The following MMP14 variants were observed in gnomAD, a reference collection of about 807,000 sequenced individuals.
The protein encoded by MMP14 is matrix metalloproteinase-14.
MMP14 carries 13 observed loss-of-function variants against 64.8 expected under a neutral mutation model. The observed-to-expected ratio is 0.20, with a 90% CI of 0.13 to 0.32. The LOEUF (loss-of-function observed/expected upper bound fraction) is 0.32. Among genes scored for constraint, MMP14 ranks in the 10% least tolerant of loss-of-function variants. MMP14 has a pLI of 1.00. For missense variants in MMP14, 594 were observed against 783.8 expected, an observed-to-expected ratio of 0.76 and a Z score of 2.89; for synonymous variants, 322 against 315.9, an observed-to-expected ratio of 1.02 and a Z score of -0.20.
intron 1 of MMP14, among the ~76,000 whole-genome samples, chr14:22,838,949 C>T (rs1221187266): frequency 6.6e-6 from 1 of 152,194 alleles, no homozygotes; most frequent in Non-Finnish European, 1.5e-5. Context: ...TCATTTTTCT[C>T]CCGAGGGTAT....
At chr14:22,841,467 T>A in intron 1 of MMP14, 24 bp from the exon 2 acceptor site, 1 of 1,611,676 alleles carries the variant, frequency 6.2e-7, no homozygotes, top group South Asian at 1.1e-5. Context: ...GGGGACACTC[T>A]AAGCCATACC....
At chr14:22,837,855 C>G (rs2039746110) in intron 1 of MMP14, among the ~76,000 whole-genome samples, 1 of 152,292 alleles carries the variant, frequency 6.6e-6, no homozygotes, top group South Asian at 2.1e-4. Flanking sequence ...TTTCCTCTCT[C>G]TCTCTTATTT....
chr14:22,843,030 G>A lies in MMP14; in HGVS notation c.689-227G>A, dbSNP rs17878314. 7.9e-3 allele frequency among the ~76,000 whole-genome samples: 1,208 copies of A among 152,318 alleles called. 11 individuals carry two copies. The highest frequency in any genetic ancestry group is 0.013 in the East Asian group (66 of 5,186). Reference sequence around the variant, plus strand: ...GGCTTCCCTTACCACAGGTCTTCCCGGGATCGGGGTCCTGCTTCCAAGCAC... The same window carrying A: ...GGCTTCCCTTACCACAGGTCTTCCCAGGATCGGGGTCCTGCTTCCAAGCAC... On this transcript the variant is annotated intron_variant, in intron 4 of 9. Coordinates refer to ENST00000311852, the MANE Select transcript of MMP14 (RefSeq NM_004995.4). This position sits in a 1 kb window ranked among gnomAD's most constrained non-coding sequence, Gnocchi z 4.8.
intron 1 of MMP14, among the ~76,000 whole-genome samples, chr14:22,840,670 G>A (rs2877491): frequency 6.6e-6 from 1 of 152,000 alleles, no homozygotes; most frequent in Non-Finnish European, 1.5e-5. Context: ...CACCGTGCCC[G>A]GCTAATATTT....
chr14:22,845,913 C>G lies in MMP14; in HGVS notation c.1623C>G (p.Ala541=). Residue 541 remains alanine (A), a synonymous_variant, in exon 10 of 10, where the codon GCC becomes GCG. Transcript: ENST00000311852. The stretch of plus-strand genomic sequence containing the variant: ...GCGGCGGGGCGGTGAGCGCGGCTGC[C>G]GTGGTGCTGCCCGTGCTGCTGCTGC... The part of the protein sequence containing the change: ...EEGGGAVSAA[A]VVLPVLLLLL... The G allele has an allele frequency of 1.9e-6, 3 of 1,608,994 alleles. No homozygotes were observed. The highest frequency in any genetic ancestry group is 2.5e-6 in the Non-Finnish European group (3 of 1,177,592).
chr14:22,841,639 A>G lies in MMP14; in HGVS notation c.257A>G (p.Lys86Arg). The G allele has an allele frequency of 3.7e-6, 6 of 1,613,938 alleles. No individual in the cohort carries two copies. Among genetic ancestry groups the G allele is most frequent in the Non-Finnish European group, 5.1e-6 (6 of 1,179,980 alleles). ...GGCAAAGCTGATGCAGACACCATGA[A>G]GTAAGTGCTAGACCCTGGCAGGAGT... ...VTGKADADTM[K>R]AMRRPRCGVP... Residue 86 changes from lysine to arginine, a missense_variant and splice_region_variant, in exon 2 of 10, where the codon AAG (lysine) becomes AGG (arginine). By Grantham distance (26) the Lys-to-Arg change is conservative. This residue lies in a region of MMP14 where 179 missense variants were observed against 283.4 expected (regional missense o/e 0.63). Coordinates refer to ENST00000311852, the MANE Select transcript of MMP14 (RefSeq NM_004995.4).
intron 1 of MMP14, among the ~76,000 whole-genome samples, chr14:22,838,197 G>A (rs1256408489): frequency 2.0e-5 from 3 of 152,202 alleles, no homozygotes; most frequent in African/African-American, 7.2e-5. Context: ...TGACTGTCCG[G>A]GAGGAGTCGT....
intron 1 of MMP14, among the ~76,000 whole-genome samples, chr14:22,838,872 G>T (rs866876387): frequency 3.9e-5 from 6 of 152,202 alleles, no homozygotes; most frequent in Non-Finnish European, 7.4e-5. Flanking sequence ...GAGAGGGATG[G>T]GGGCACTTCC....
rs760372955 is a variant in MMP14 at position 22,842,422 on chromosome 14, C to T, written c.393C>T (p.Tyr131=). 4 of 1,610,786 alleles carry T rather than the reference C, an allele frequency of 2.5e-6. No homozygotes were observed. Among genetic ancestry groups the T allele is most frequent in the East Asian group, 2.2e-5 (1 of 44,846 alleles). The change falls in exon 4 of 10, where the codon TAC becomes TAT. Residue 131 remains tyrosine, a synonymous_variant. Coordinates refer to ENST00000311852, the MANE Select transcript of MMP14 (RefSeq NM_004995.4). The surrounding 1 kb of genome is among the most constrained non-coding windows in gnomAD (Gnocchi z 5.3). ...GGCTGGACCTCAGCATCCAGAATTA[C>T]ACCCCCAAGGTGGGCGAGTATGCCA... is the stretch of plus-strand genomic sequence containing the variant. ...HNEITFCIQN[Y]TPKVGEYATY... is the part of the protein sequence containing the mutation.
At position 22,842,618 on chromosome 14, in the gene MMP14, G is replaced by A. The variant is rs1354231014; in HGVS notation, c.589G>A (p.Gly197Ser). ...CAGCACGCCCTTCGATGGTGAGGGC[G>A]GCTTCCTGGCCCATGCCTACTTCCC... ...GDSTPFDGEG[G>S]FLAHAYFPGP... The change falls in exon 4 of 10, where the codon GGC becomes AGC. Residue 197 changes from glycine to serine, a missense_variant. Coordinates refer to ENST00000311852, the MANE Select transcript of MMP14 (RefSeq NM_004995.4). The surrounding 1 kb of genome is among the most constrained non-coding windows in gnomAD (Gnocchi z 5.3). 3.7e-6 allele frequency: 6 copies of A among 1,614,040 alleles called. No individual in the cohort carries two copies. Among genetic ancestry groups the A allele is most frequent in the Admixed American group, 1.7e-5 (1 of 60,002 alleles).
chr14:22,837,397 C>T, intron 1 of MMP14: 1 of 456,078 alleles, frequency 2.2e-6, no homozygotes, highest in Non-Finnish European at 4.4e-6. Context: ...CTTCGGCCTC[C>T]CCGGGTGGCC....
Position 22,843,136 on chromosome 14 carries a change from C to A in MMP14, c.689-121C>A. The A allele has an allele frequency of 8.3e-7, 1 of 1,200,578 alleles. No homozygotes were observed. Among genetic ancestry groups the A allele is most frequent in the Admixed American group, 2.5e-5 (1 of 39,216 alleles). 74.4% of individuals were successfully genotyped at this position (1,200,578 alleles called of 1,614,324 possible). ...TAAAAAGCTAGACCTCAGAATTTGG[C>A]CACTTTGGATTGAAAACATGGGCAG... On this transcript the variant is annotated intron_variant, in intron 4 of 9. Coordinates refer to ENST00000311852, the MANE Select transcript of MMP14 (RefSeq NM_004995.4). This position sits in a 1 kb window ranked among gnomAD's most constrained non-coding sequence, Gnocchi z 4.8.
At position 22,836,868 on chromosome 14, in the gene MMP14, G is replaced by C. The variant is rs1192339188; in HGVS notation, c.51G>C (p.Thr17=). ...PPRCLLLPLL[T]LGTALASLGS... The stretch of plus-strand genomic sequence containing the variant: ...GTTGTCTCCTGCTCCCCCTGCTCAC[G>C]CTCGGCACCGCGCTCGCCTCCCTCG... The change falls in exon 1 of 10, where the codon ACG becomes ACC. Residue 17 remains threonine, a synonymous_variant. Transcript: ENST00000311852. 4 of 1,613,512 alleles carry C rather than the reference G, an allele frequency of 2.5e-6. No homozygotes were observed. The highest frequency in any genetic ancestry group is 1.1e-5 in the South Asian group (1 of 91,028).
intron 1 of MMP14, chr14:22,837,308 C>T (rs1054772286): frequency 4.2e-6 from 2 of 471,404 alleles, no homozygotes; most frequent in African/African-American, 3.9e-5. Context: ...CCCGGCTCCT[C>T]GTCATGCGCG....
chr14:22,846,130 G>C lies in MMP14; in HGVS notation c.*91G>C, dbSNP rs142923202. On this transcript the variant is annotated 3_prime_UTR_variant, in exon 10 of 10. Transcript: ENST00000311852. ...TGGTGGTGGGTGGGCTGTTCCCATC[G>C]TCCCGAGCCCCCTCCCCGCAGCCTC... 7.1e-5 allele frequency: 89 copies of C among 1,245,168 alleles called. No individual in the cohort carries two copies. The highest frequency in any genetic ancestry group is 5.6e-4 in the Middle Eastern group (2 of 3,586). The allele number at this position is 1,245,168 out of a possible 1,614,324, so 77.1% of individuals were successfully genotyped here. A position where few individuals can be genotyped will look rare whatever the true frequency, so the allele number is the denominator to read the frequency against.
rs754725622 is a variant in MMP14, at chr14:22,845,712, C to T, written c.1422C>T (p.Phe474=). The part of the protein sequence containing the change: ...RGSFMGSDEV[F]TYFYKGNKYW... Reference sequence around the variant, plus strand: ...CTTCTGATTCACTCCCTGCAGTCTTCACTTACTTCTACAAGGGGAACAAAT... The same window carrying T: ...CTTCTGATTCACTCCCTGCAGTCTTTACTTACTTCTACAAGGGGAACAAAT... Residue 474 remains phenylalanine, a synonymous_variant, in exon 10 of 10, where the codon TTC becomes TTT. Coordinates refer to ENST00000311852, the MANE Select transcript of MMP14 (RefSeq NM_004995.4). 22 of 1,613,944 alleles carry T rather than the reference C, an allele frequency of 1.4e-5. No individual in the cohort carries two copies. The South Asian group carries it at 2.3e-4, about 17-fold the overall frequency.
At chr14:22,841,707 C>A in intron 2 of MMP14, 68 bp downstream of exon 2, 1 of 1,597,594 alleles carries the variant, frequency 6.3e-7, no homozygotes, top group Non-Finnish European at 8.5e-7. Flanking sequence ...AGAGATGTTC[C>A]TACCTGAATG....
intron 1 of MMP14, chr14:22,837,299 C>A (rs1225655604): frequency 4.2e-6 from 2 of 477,586 alleles, no homozygotes; most frequent in South Asian, 1.5e-5. Context: ...CCGCGCTGTC[C>A]CGGCTCCTCG....
rs1349338973 is a variant in MMP14, at chr14:22,842,822, G to A, written c.688+105G>A. The A allele has an allele frequency of 1.7e-6, 2 of 1,196,284 alleles. No homozygotes were observed. The highest frequency in any genetic ancestry group is 2.6e-5 in the Admixed American group (1 of 38,594). The allele number at this position is 1,196,284 out of a possible 1,614,324, so 74.1% of individuals were successfully genotyped here. A position where few individuals can be genotyped will look rare whatever the true frequency, so the allele number is the denominator to read the frequency against. On this transcript the variant is annotated intron_variant, in intron 4 of 9. Coordinates refer to ENST00000311852, the MANE Select transcript of MMP14 (RefSeq NM_004995.4). The surrounding 1 kb of genome is among the most constrained non-coding windows in gnomAD (Gnocchi z 5.3). The stretch of plus-strand genomic sequence containing the variant: ...AATCTCCGGGCTAGAAGGGACCACA[G>A]AGACCTTCTGATCTAACTTCTGACA...
Sources: gnomAD v4.1 joint callset for allele counts (sites outside exome capture counted in the v4.1 genomes callset) on GRCh38, gnomAD v4.1.1 for gene constraint, gnomAD v4.1.1 regional missense constraint, Gnocchi (gnomAD v3.1) non-coding constraint, MANE v1.5 for transcripts, NCBI Gene and HGNC (gene_info 2026-07-23, HGNC 2026-07-21) for gene names.